Variants in RABGAP1L observed in about 807,000 individuals in gnomAD.
RABGAP1L encodes the protein RAB GTPase activating protein 1 like.
Under a neutral mutation model 137.7 loss-of-function variants are expected in RABGAP1L, and 63 were observed. That is an observed-to-expected ratio of 0.46 (90% CI 0.37 to 0.56). The LOEUF (loss-of-function observed/expected upper bound fraction) is 0.56, where lower values mean the gene tolerates loss of function less well. RABGAP1L is among the 20% of genes least tolerant of loss of function. The pLI, the probability that RABGAP1L is intolerant of heterozygous loss-of-function variation, is 0.00. For synonymous variants in RABGAP1L, 431 were observed against 433.7 expected, an observed-to-expected ratio of 0.99 and a Z score of 0.08; for missense variants, 1,095 against 1,244.0, an observed-to-expected ratio of 0.88 and a Z score of 1.80.
intron 13 of RABGAP1L, among the ~76,000 whole-genome samples, chr1:174,636,622 G>A (rs765836152): frequency 2.0e-5 from 3 of 151,948 alleles, no homozygotes; most frequent in Non-Finnish European, 2.9e-5. Flanking sequence ...GGGAAAGATT[G>A]ACAGTATTTT....
chr1:174,252,659 T>C, intron 7 of RABGAP1L, 69 bp downstream of exon 7: 1 of 1,547,526 alleles, frequency 6.5e-7, no homozygotes, highest in Non-Finnish European at 8.6e-7. Flanking sequence ...GATGCATTGC[T>C]CAGTGTGGCT....
chr1:174,416,100 T>C (rs2149146273), intron 13 of RABGAP1L, among the ~76,000 whole-genome samples: 1 of 150,730 alleles, frequency 6.6e-6, no homozygotes, highest in South Asian at 2.1e-4. Context: ...CTGCAGTTTT[T>C]CCAACTCACT....
chr1:174,918,224 G>T lies in RABGAP1L; in HGVS notation c.2341-39233G>T, dbSNP rs546470411. ...GTCACTCATCGGGCAACTGTGGGCT[G>T]ACCTGTTTCCTCAGGTTTAAATTGA... On this transcript the variant is annotated intron_variant, in intron 19 of 25. Transcript: ENST00000681986. Among the ~76,000 whole-genome samples, 8 of 124,770 alleles carry T rather than the reference G, an allele frequency of 6.4e-5. No individual in the cohort carries two copies. In the South Asian group the frequency reaches 8.9e-4, roughly 14 times the overall value. 81.9% of individuals were successfully genotyped at this position (124,770 alleles called of 152,430 possible). A position where few individuals can be genotyped will look rare whatever the true frequency, so the allele number is the denominator to read the frequency against.
chr1:174,689,078 C>G (rs1429999707), intron 15 of RABGAP1L, among the ~76,000 whole-genome samples: 1 of 151,856 alleles, frequency 6.6e-6, no homozygotes, highest in Non-Finnish European at 1.5e-5. Flanking sequence ...TACATGCATC[C>G]TTTGTAAGTT....
At chr1:174,941,775 T>C (rs1454928912) in intron 19 of RABGAP1L, among the ~76,000 whole-genome samples, 1 of 152,240 alleles carries the variant, frequency 6.6e-6, no homozygotes, top group African/African-American at 2.4e-5. Flanking sequence ...GATGCTTACA[T>C]GCTATCTCTT....
At chr1:174,423,905 T>A (rs1370529445) in intron 13 of RABGAP1L, among the ~76,000 whole-genome samples, 1 of 152,120 alleles carries the variant, frequency 6.6e-6, no homozygotes, top group African/African-American at 2.4e-5. Flanking sequence ...ACTTTCTCTG[T>A]TTTTAGAAAC....
chr1:174,419,846 G>T (rs1651045286), intron 13 of RABGAP1L, among the ~76,000 whole-genome samples: 1 of 152,098 alleles, frequency 6.6e-6, no homozygotes, highest in African/African-American at 2.4e-5. Flanking sequence ...TGATTCTTTT[G>T]AATGTTTTTT....
intron 11 of RABGAP1L, among the ~76,000 whole-genome samples, chr1:174,350,585 G>A (rs1485716378): frequency 8.6e-6 from 1 of 115,710 alleles, no homozygotes; most frequent in Non-Finnish European, 1.8e-5. Flanking sequence ...CGGCCGGGCA[G>A]AGACGCTCCT....
intron 13 of RABGAP1L, among the ~76,000 whole-genome samples, chr1:174,484,121 C>T (rs964834723): frequency 7.2e-5 from 11 of 152,064 alleles, no homozygotes; most frequent in Admixed American, 5.9e-4. Flanking sequence ...AAAGATATCT[C>T]GTAGTTTTGA....
intron 1 of RABGAP1L, among the ~76,000 whole-genome samples, chr1:174,179,019 C>G (rs1666127971): frequency 6.6e-6 from 1 of 152,110 alleles, no homozygotes; most frequent in Non-Finnish European, 1.5e-5. Flanking sequence ...CAAAACAAAA[C>G]AAAACAATCC....
chr1:174,323,234 G>T (rs557824074), intron 11 of RABGAP1L, among the ~76,000 whole-genome samples: 1 of 151,930 alleles, frequency 6.6e-6, no homozygotes, highest in Admixed American at 6.6e-5. Flanking sequence ...ACTCATTTTA[G>T]CCCTGAGAAA....
At chr1:174,742,589 A>G (rs1193932092) in intron 17 of RABGAP1L, among the ~76,000 whole-genome samples, 1 of 152,216 alleles carries the variant, frequency 6.6e-6, no homozygotes, top group East Asian at 1.9e-4. Context: ...GGATTGGGTT[A>G]ATGGAAAACT....
At chr1:174,758,720 A>T (rs1323445038) in intron 18 of RABGAP1L, among the ~76,000 whole-genome samples, 2 of 151,916 alleles carry the variant, frequency 1.3e-5, no homozygotes, top group Admixed American at 6.6e-5. Flanking sequence ...GTTGATGTTT[A>T]CTCTCATTTA....
intron 19 of RABGAP1L, among the ~76,000 whole-genome samples, chr1:174,880,313 T>C (rs1466964092): frequency 6.6e-6 from 1 of 152,122 alleles, no homozygotes; most frequent in Non-Finnish European, 1.5e-5. Context: ...TTTTACAATA[T>C]TCCAACATGA....
At chr1:174,981,550 C>CTTTTTTTTTTTTATTTTTTTTT (rs1671113846) in intron 23 of RABGAP1L, among the ~76,000 whole-genome samples, 1 of 66,406 alleles carries the variant, frequency 1.5e-5, no homozygotes, top group Non-Finnish European at 2.6e-5. Flanking sequence ...GTTTTTCCAT[C>CTTTTTTTTTTTTATTTTTTTTT]TTTTTTTTTT....
intron 13 of RABGAP1L, among the ~76,000 whole-genome samples, chr1:174,537,001 T>A (rs1407959115): frequency 6.6e-6 from 1 of 152,178 alleles, no homozygotes; most frequent in Non-Finnish European, 1.5e-5. Flanking sequence ...ACTGACAATT[T>A]TTCTTGCTAC....
chr1:174,635,865 C>G (rs540335991), intron 13 of RABGAP1L, among the ~76,000 whole-genome samples: 9 of 152,268 alleles, frequency 5.9e-5, no homozygotes, highest in African/African-American at 1.9e-4. Flanking sequence ...TCAACCACCC[C>G]CTTCTTGTAT....
At chr1:174,877,178 T>C (rs1483275837) in intron 19 of RABGAP1L, among the ~76,000 whole-genome samples, 4 of 152,322 alleles carry the variant, frequency 2.6e-5, no homozygotes, top group East Asian at 1.9e-4. Flanking sequence ...TATTTCTTTT[T>C]TGAAGTTTAA....
At chr1:174,299,330 C>T (rs769084094) in intron 10 of RABGAP1L, among the ~76,000 whole-genome samples, 1 of 152,176 alleles carries the variant, frequency 6.6e-6, no homozygotes, top group African/African-American at 2.4e-5. Flanking sequence ...TAGCAAGTGA[C>T]ATTCTTTACT....
Sources: gnomAD v4.1 joint callset for allele counts (sites outside exome capture counted in the v4.1 genomes callset) on GRCh38, gnomAD v4.1.1 for gene constraint, MANE v1.5 for transcripts, NCBI Gene and HGNC (gene_info 2026-07-23, HGNC 2026-07-21) for gene names.